BRAF: variants seen among roughly 807,000 people sequenced by gnomAD.
BRAF encodes B-Raf proto-oncogene, serine/threonine kinase.
Under a neutral mutation model 104.6 loss-of-function variants are expected in BRAF, and 16 were observed. That is an observed-to-expected ratio of 0.15 (90% CI 0.10 to 0.23). BRAF has a LOEUF of 0.23. Ranked by LOEUF, BRAF falls within the 10% of genes least tolerant of loss-of-function variation. The pLI is 1.00. For synonymous variants in BRAF, 310 were observed against 341.6 expected, an observed-to-expected ratio of 0.91 and a Z score of 1.02; for missense variants, 541 against 937.3, an observed-to-expected ratio of 0.58 and a Z score of 5.52.
rs1796761229 is a variant in BRAF at position 140,739,826 on chromosome 7, G to A, written c.2233C>T (p.Pro745Ser). The change falls in exon 18 of 20, where the codon CCA (proline) becomes TCA (serine). Residue 745 changes from proline to serine, a missense_variant. Coordinates refer to ENST00000644969, the MANE Select transcript of BRAF (RefSeq NM_001374258.1). Reference sequence around the variant, plus strand: ...CTTTTACTTACTTGGGGAAAGAGTGGTCTCTCATCTCTTTTCTTTTTGAGG... The same window carrying A: ...CTTTTACTTACTTGGGGAAAGAGTGATCTCTCATCTCTTTTCTTTTTGAGG... ...ECLKKKRDER[P>S]LFPQILASIE... The A allele has an allele frequency of 1.2e-6, 2 of 1,611,334 alleles. No individual in the cohort carries two copies. Among genetic ancestry groups the A allele is most frequent in the Non-Finnish European group, 8.5e-7 (1 of 1,179,642 alleles).
chr7:140,736,483 A>C (rs1796444525), intron 18 of BRAF, among the ~76,000 whole-genome samples: 1 of 149,688 alleles, frequency 6.7e-6, no homozygotes, highest in African/African-American at 2.5e-5. Flanking sequence ...GCTGGAGTGC[A>C]ATGGTGCGAT....
chr7:140,753,475 C>T lies in BRAF; in HGVS notation c.1862-82G>A, dbSNP rs1012319635. 2.5e-5 allele frequency: 22 copies of T among 892,902 alleles called. No homozygotes were observed. In the African/African-American group the frequency reaches 3.1e-4, roughly 13 times the overall value. The allele number at this position is 892,902 out of a possible 1,614,324, so 55.3% of individuals were successfully genotyped here. A position where few individuals can be genotyped will look rare whatever the true frequency, so the allele number is the denominator to read the frequency against. ...ATTATGAAGAGTTTAGGTAAGAGAT[C>T]TAATTTCTATAATTCTGTAATATAA... is the stretch of plus-strand genomic sequence containing the variant. On this transcript the variant is annotated intron_variant, in intron 15 of 19. Coordinates refer to ENST00000644969, the MANE Select transcript of BRAF (RefSeq NM_001374258.1).
chr7:140,895,174 A>T (rs1489084524), intron 1 of BRAF, among the ~76,000 whole-genome samples: 1 of 152,208 alleles, frequency 6.6e-6, no homozygotes, highest in Non-Finnish European at 1.5e-5. Flanking sequence ...AAAACTAGGA[A>T]GTCTACCAAT....
chr7:140,832,238 T>C (rs2129060656), intron 3 of BRAF, among the ~76,000 whole-genome samples: 1 of 152,366 alleles, frequency 6.6e-6, no homozygotes, highest in Non-Finnish European at 1.5e-5. Flanking sequence ...TCATTCTTGG[T>C]ACTTGATTTC....
At chr7:140,806,558 C>T (rs1349346789) in intron 5 of BRAF, among the ~76,000 whole-genome samples, 5 of 152,148 alleles carry the variant, frequency 3.3e-5, no homozygotes, top group Non-Finnish European at 7.4e-5. Context: ...ATACTATTTT[C>T]TCACACTTAG....
chr7:140,807,714 C>T (rs923300610), intron 5 of BRAF, among the ~76,000 whole-genome samples: 3 of 152,080 alleles, frequency 2.0e-5, no homozygotes, highest in Non-Finnish European at 4.4e-5. Context: ...TGACATACTT[C>T]TGCACTATTC....
downstream of BRAF, among the ~76,000 whole-genome samples, chr7:140,716,183 C>CTAAG (rs1177931042): frequency 6.6e-6 from 1 of 152,210 alleles, no homozygotes; most frequent in Non-Finnish European, 1.5e-5. Flanking sequence ...TTACAGCCTA[C>CTAAG]TAAGTTGTCT....
intron 1 of BRAF, among the ~76,000 whole-genome samples, chr7:140,923,187 G>C (rs1438626241): frequency 4.2e-5 from 6 of 143,844 alleles, no homozygotes; most frequent in South Asian, 2.1e-4. Context: ...TTCCAAAGAT[G>C]ATGATGCAAA....
chr7:140,897,225 C>T (rs986674724), intron 1 of BRAF, among the ~76,000 whole-genome samples: 11 of 151,924 alleles, frequency 7.2e-5, no homozygotes, highest in African/African-American at 2.7e-4. Context: ...TGTGGACAAA[C>T]AGGTTATAGA....
chr7:140,841,533 G>A (rs1807968516), intron 2 of BRAF, among the ~76,000 whole-genome samples: 1 of 152,160 alleles, frequency 6.6e-6, no homozygotes, highest in Admixed American at 6.5e-5. Flanking sequence ...CATGATATAT[G>A]TGTATGATGA....
At chr7:140,828,056 C>T (rs564789084) in intron 3 of BRAF, among the ~76,000 whole-genome samples, 25 of 152,122 alleles carry the variant, frequency 1.6e-4, no homozygotes, top group South Asian at 1.5e-3. Context: ...GCACCACACC[C>T]GGCCAATTTT....
At chr7:140,796,954 G>C (rs1365600624) in intron 7 of BRAF, among the ~76,000 whole-genome samples, 2 of 151,734 alleles carry the variant, frequency 1.3e-5, no homozygotes, top group Non-Finnish European at 2.9e-5. Flanking sequence ...TTTTTTTTCT[G>C]ATTTCAGTTA....
At chr7:140,768,655 G>A (rs994675236) in intron 14 of BRAF, among the ~76,000 whole-genome samples, 2 of 151,986 alleles carry the variant, frequency 1.3e-5, no homozygotes, top group Admixed American at 1.3e-4. Context: ...TACCATGCTT[G>A]GCTAATTAAA....
chr7:140,912,083 T>G (rs1817046366), intron 1 of BRAF, among the ~76,000 whole-genome samples: 1 of 152,100 alleles, frequency 6.6e-6, no homozygotes, highest in Non-Finnish European at 1.5e-5. Context: ...AGCCCAGGAG[T>G]TGGAGGCTGC....
In BRAF at chr7:140,848,233, G is replaced by A. The variant is rs569543959; in HGVS notation, c.240+1878C>T. 3.9e-5 allele frequency among the ~76,000 whole-genome samples: 6 copies of A among 152,184 alleles called. No individual in the cohort carries two copies. In the South Asian group the frequency reaches 1.2e-3, roughly 32 times the overall value. Reference sequence around the variant, plus strand: ...AAGAGCGAGACAATGTCATGATAAAGGTAGAATAAGATAGAGATCAAGAAC... The same window carrying A: ...AAGAGCGAGACAATGTCATGATAAAAGTAGAATAAGATAGAGATCAAGAAC... On this transcript the variant is annotated intron_variant, in intron 2 of 19. Transcript: ENST00000644969.
At position 140,721,153 on chromosome 7, in the gene BRAF, A is replaced by G. The variant is rs1795305624; in HGVS notation, c.*5341T>C. On this transcript the variant is annotated 3_prime_UTR_variant, in exon 20 of 20. Coordinates refer to ENST00000644969, the MANE Select transcript of BRAF (RefSeq NM_001374258.1). ...CCTCATACACACTCGTCAAGTCACT[A>G]TAATTATTCAAAATAGCTAAATAAA... The G allele has an allele frequency of 9.4e-7, 1 of 1,064,078 alleles. No individual in the cohort carries two copies. Among genetic ancestry groups the G allele is most frequent in the Non-Finnish European group, 1.1e-6 (1 of 877,836 alleles). 65.9% of individuals were successfully genotyped at this position (1,064,078 alleles called of 1,614,324 possible).
intron 17 of BRAF, among the ~76,000 whole-genome samples, chr7:140,741,922 A>G (rs1796954427): frequency 6.6e-6 from 1 of 152,008 alleles, no homozygotes; most frequent in Non-Finnish European, 1.5e-5. Context: ...ATGCCACACT[A>G]TACTCCAGAC....
At chr7:140,759,292 A>T (rs1422284027) in intron 14 of BRAF, among the ~76,000 whole-genome samples, 1 of 152,214 alleles carries the variant, frequency 6.6e-6, no homozygotes, top group Non-Finnish European at 1.5e-5. Flanking sequence ...TGATCCCTAA[A>T]ATGGCTGTAT....
At position 140,773,096 on chromosome 7, in the gene BRAF, G is replaced by GT. The variant is rs773937899; in HGVS notation, c.1814+3815dup. The stretch of plus-strand genomic sequence containing the variant: ...TTTCTCCCTCTGAGAAAACTGATAG[G>GT]TTTTTTGGAGGTGGGGTGAGGCAGG... On this transcript the variant is annotated intron_variant, in intron 14 of 19. Coordinates refer to ENST00000644969, the MANE Select transcript of BRAF (RefSeq NM_001374258.1). 3.4e-4 allele frequency among the ~76,000 whole-genome samples: 51 copies of GT among 152,234 alleles called. 1 individual carries two copies. The highest frequency in any genetic ancestry group is 1.2e-4 in the Non-Finnish European group (8 of 68,024).
Sources: gnomAD v4.1 joint callset for allele counts (sites outside exome capture counted in the v4.1 genomes callset) on GRCh38, gnomAD v4.1.1 for gene constraint, MANE v1.5 for transcripts, NCBI Gene and HGNC (gene_info 2026-07-23, HGNC 2026-07-21) for gene names.